The following JMJD1C variants were observed in gnomAD, a reference collection of about 807,000 sequenced individuals.
JMJD1C encodes jumonji domain containing 1C, also known as jumonji domain-containing protein 1C.
In JMJD1C, 31 loss-of-function variants were observed where a neutral mutation model predicts 245.3. That is an observed-to-expected ratio of 0.13 (90% CI 0.09 to 0.17). The LOEUF is 0.17. Ranked by LOEUF, JMJD1C falls within the 10% of genes least tolerant of loss-of-function variation. The probability of loss-of-function intolerance (pLI) is 1.00; values close to 1 mark genes in which losing one functional copy is unlikely to be tolerated. For missense variants in JMJD1C, 2,691 were observed against 3,000.2 expected, an observed-to-expected ratio of 0.90 and a Z score of 2.41; for synonymous variants, 1,057 against 1,017.4, an observed-to-expected ratio of 1.04 and a Z score of -0.74.
chr10:63,293,673 T>C (rs2133953562), intron 2 of JMJD1C, among the ~76,000 whole-genome samples: 1 of 152,262 alleles, frequency 6.6e-6, no homozygotes. Flanking sequence ...TATTGATAAA[T>C]TCAGTCCTCC....
intron 13 of JMJD1C, among the ~76,000 whole-genome samples, chr10:63,195,613 G>A (rs534589704): frequency 1.3e-5 from 2 of 152,018 alleles, no homozygotes; most frequent in Non-Finnish European, 2.9e-5. Flanking sequence ...TAGATAGTAT[G>A]GACAATAACC....
At chr10:63,488,193 C>T (rs1458174713) in intron 1 of JMJD1C, among the ~76,000 whole-genome samples, 2 of 152,156 alleles carry the variant, frequency 1.3e-5, no homozygotes, top group Non-Finnish European at 2.9e-5. Flanking sequence ...ACTTTATAGT[C>T]ACGGCATAGA....
intron 1 of JMJD1C, among the ~76,000 whole-genome samples, chr10:63,397,094 A>G (rs1442079541): frequency 6.6e-6 from 1 of 152,112 alleles, no homozygotes; most frequent in African/African-American, 2.4e-5. Context: ...TTCCTATCAA[A>G]CCCTATTAAT....
intron 1 of JMJD1C, chr10:63,427,699 A>T: frequency 1.5e-6 from 2 of 1,311,568 alleles, no homozygotes; most frequent in Non-Finnish European, 2.2e-6. Context: ...GGTCTCCTCT[A>T]GCTTATTTGG....
At chr10:63,439,405 A>G (rs957707863) in intron 1 of JMJD1C, among the ~76,000 whole-genome samples, 2 of 152,234 alleles carry the variant, frequency 1.3e-5, no homozygotes, top group African/African-American at 4.8e-5. Flanking sequence ...AACATTTAAT[A>G]TTACTTAAAG....
chr10:63,196,199 C>A (rs868634108), intron 13 of JMJD1C, among the ~76,000 whole-genome samples: 1 of 151,714 alleles, frequency 6.6e-6, no homozygotes, highest in African/African-American at 2.4e-5. Context: ...GCCAAGATTG[C>A]GCCACTGCAC....
At chr10:63,175,374 A>AT (rs1283678563) in intron 24 of JMJD1C, among the ~76,000 whole-genome samples, 1 of 152,354 alleles carries the variant, frequency 6.6e-6, no homozygotes, top group South Asian at 2.1e-4. Context: ...AGAAAAAGGT[A>AT]TTTATTATTA....
chr10:63,361,385 T>G (rs1371289893), intron 2 of JMJD1C, among the ~76,000 whole-genome samples: 1 of 152,140 alleles, frequency 6.6e-6, no homozygotes, highest in African/African-American at 2.4e-5. Flanking sequence ...ATTGCGCCAT[T>G]GCACTCCAGT....
chr10:63,305,116 C>T (rs1257632816), intron 2 of JMJD1C, among the ~76,000 whole-genome samples: 1 of 152,016 alleles, frequency 6.6e-6, no homozygotes, highest in Non-Finnish European at 1.5e-5. Flanking sequence ...CACCTGTAAT[C>T]CCAATACTTT....
At chr10:63,480,933 A>G (rs1044569188) in intron 1 of JMJD1C, among the ~76,000 whole-genome samples, 1 of 152,230 alleles carries the variant, frequency 6.6e-6, no homozygotes, top group East Asian at 1.9e-4. Flanking sequence ...CGCCTACCAT[A>G]TAATTCATAT....
At chr10:63,202,316 G>T (rs1846110916) in intron 10 of JMJD1C, 1 of 983,350 alleles carries the variant, frequency 1.0e-6, no homozygotes. Flanking sequence ...GCTCTAACTT[G>T]TAAGTGTCTT....
chr10:63,425,533 G>A (rs540408924), intron 1 of JMJD1C, among the ~76,000 whole-genome samples: 2 of 152,256 alleles, frequency 1.3e-5, no homozygotes, highest in East Asian at 3.9e-4. Context: ...TCTAATCCCA[G>A]GACTTTGGGA....
At chr10:63,353,411 G>C (rs946766818) in intron 2 of JMJD1C, among the ~76,000 whole-genome samples, 2 of 152,206 alleles carry the variant, frequency 1.3e-5, no homozygotes, top group Admixed American at 6.5e-5. Flanking sequence ...CTAATGTGAA[G>C]ATGCTAACAG....
chr10:63,234,892 T>C (rs1288912955), intron 3 of JMJD1C, among the ~76,000 whole-genome samples: 1 of 152,126 alleles, frequency 6.6e-6, no homozygotes, highest in Non-Finnish European at 1.5e-5. Flanking sequence ...AATAAAAATT[T>C]AATTCTGTAA....
At chr10:63,204,643 G>GA in intron 10 of JMJD1C, 1 of 985,338 alleles carries the variant, frequency 1.0e-6, no homozygotes, top group Non-Finnish European at 1.2e-6. Context: ...GAACACATAA[G>GA]AAAAAGCAAC....
chr10:63,219,576 C>T (rs766195283), intron 4 of JMJD1C, among the ~76,000 whole-genome samples: 6 of 152,164 alleles, frequency 3.9e-5, no homozygotes, highest in South Asian at 2.1e-4. Flanking sequence ...GCAAACAATG[C>T]TTCCTTCTCC....
chr10:63,393,255 G>T (rs2134624987), intron 1 of JMJD1C, among the ~76,000 whole-genome samples: 1 of 152,250 alleles, frequency 6.6e-6, no homozygotes, highest in South Asian at 2.1e-4. Flanking sequence ...GCAACAGAGT[G>T]AGATCCTGTC....
intron 24 of JMJD1C, among the ~76,000 whole-genome samples, chr10:63,171,288 A>G (rs201532163): frequency 3.8e-5 from 1 of 26,400 alleles, no homozygotes; most frequent in African/African-American, 6.3e-5. Context: ...CTGTGGAGGG[A>G]TGTACAGGAG....
chr10:63,421,873 C>T (rs949787018), intron 1 of JMJD1C, among the ~76,000 whole-genome samples: 1 of 152,184 alleles, frequency 6.6e-6, no homozygotes, highest in African/African-American at 2.4e-5. Flanking sequence ...ACACTAGAAA[C>T]CAACCCTGAT....
Sources: allele counts gnomAD v4.1 joint callset (sites outside exome capture counted in the v4.1 genomes callset), GRCh38; gene constraint gnomAD v4.1.1; transcripts MANE v1.5; gene names NCBI Gene and HGNC (gene_info 2026-07-23, HGNC 2026-07-21).